Variants in DDAH2 observed in about 807,000 individuals in gnomAD.
DDAH2 encodes the protein putative hydrolase DDAH2.
DDAH2 carries 8 observed loss-of-function variants against 24.8 expected under a neutral mutation model. That is an observed-to-expected ratio of 0.32 (90% CI 0.19 to 0.58). The LOEUF (loss-of-function observed/expected upper bound fraction) is 0.58. Ranked by LOEUF, DDAH2 falls within the 20% of genes least tolerant of loss-of-function variation. DDAH2 has a pLI of 0.87. For synonymous variants in DDAH2, 151 were observed against 166.1 expected (o/e 0.91, Z 0.70); for missense variants, 281 against 379.0 (o/e 0.74, Z 2.15).
chr6:31,729,463 C>T, upstream of DDAH2: 1 of 410,168 alleles, frequency 2.4e-6, no homozygotes, highest in South Asian at 4.9e-5. The surrounding 1 kb of genome is among the most constrained non-coding windows in gnomAD (Gnocchi z 6.7). Flanking sequence ...TCCAAAACAC[C>T]TGTTGCCCCT....
chr6:31,729,934 C>T (rs927375703), upstream of DDAH2: 1 of 152,342 alleles, frequency 6.6e-6, no homozygotes, highest in African/African-American at 2.4e-5. The surrounding 1 kb of genome is among the most constrained non-coding windows in gnomAD (Gnocchi z 6.7). Context: ...AAGTCCACCC[C>T]GCCTAGCTCC....
At position 31,728,640 on chromosome 6, in the gene DDAH2, C is replaced by G. The variant is rs776070291; in HGVS notation, c.397+6G>C. 1 of 1,612,894 alleles carries G rather than the reference C, an allele frequency of 6.2e-7. No individual in the cohort carries two copies. The highest frequency in any genetic ancestry group is 2.2e-5 in the East Asian group (1 of 44,886). On this transcript the variant is annotated splice_donor_region_variant and intron_variant, in intron 2 of 5. Transcript: ENST00000375789. The surrounding 1 kb of genome is among the most constrained non-coding windows in gnomAD (Gnocchi z 9.8). ...TGCCAAGACCTATGCCTCCCCCCAG[C>G]CTCACCGGTGAAGAGAACGTCAGTG...
Position 31,728,929 on chromosome 6 carries a change from G to C in DDAH2, c.233C>G (p.Thr78Arg). 1 of 1,613,118 alleles carries C rather than the reference G, an allele frequency of 6.2e-7. No homozygotes were observed. Among genetic ancestry groups the C allele is most frequent in the Non-Finnish European group, 8.5e-7 (1 of 1,180,026 alleles). The change falls in exon 1 of 6, where the codon ACG (threonine) becomes AGG (arginine). Residue 78 changes from threonine to arginine, a missense_variant. Physicochemically the swap from Thr to Arg is moderately conservative, Grantham distance 71. Coordinates refer to ENST00000375789, the MANE Select transcript of DDAH2 (RefSeq NM_001303007.2). The surrounding 1 kb of genome is among the most constrained non-coding windows in gnomAD (Gnocchi z 9.8). Reference sequence around the variant, plus strand: ...GGCCGTGTCCCCTTGGATCACGGCCGTGTCGCCAAGCAGCGGTCCCAGCGG... The same window carrying C: ...GGCCGTGTCCCCTTGGATCACGGCCCTGTCGCCAAGCAGCGGTCCCAGCGG... ...SLPLGPLLGD[T>R]AVIQGDTALI... is the part of the protein sequence containing the mutation.
In DDAH2 at chr6:31,729,284, G is replaced by A; in HGVS notation, c.-123C>T. 1.1e-6 allele frequency: 1 copy of A among 915,908 alleles called. No individual in the cohort carries two copies. Among genetic ancestry groups the A allele is most frequent in the South Asian group, 1.7e-5 (1 of 60,424 alleles). 56.7% of individuals were successfully genotyped at this position (915,908 alleles called of 1,614,324 possible). On this transcript the variant is annotated 5_prime_UTR_variant, in exon 1 of 6. Coordinates refer to ENST00000375789, the MANE Select transcript of DDAH2 (RefSeq NM_001303007.2). This position sits in a 1 kb window ranked among gnomAD's most constrained non-coding sequence, Gnocchi z 6.7. ...AAAAAGACATGCAGACAAGGGCGTT[G>A]GGGGTGGTTAAGAGCGCCCAGGTCT... is the stretch of plus-strand genomic sequence containing the variant.
chr6:31,730,064 C>A (rs1807756086), upstream of DDAH2: 1 of 152,684 alleles, frequency 6.5e-6, no homozygotes, highest in East Asian at 1.9e-4. The surrounding 1 kb of genome is among the most constrained non-coding windows in gnomAD (Gnocchi z 5.1). Flanking sequence ...CAGCGGCCAC[C>A]CCCACTCCTG....
Position 31,728,434 on chromosome 6 carries a change from C to T in DDAH2, c.471+17G>A. 6.2e-7 allele frequency: 1 copy of T among 1,612,466 alleles called. No homozygotes were observed. The highest frequency in any genetic ancestry group is 8.5e-7 in the Non-Finnish European group (1 of 1,179,918). ...CACCTGCACCCCCTCCCTCCCTAGG[C>T]TGGTCCCGCTCCGCACCCGGAACGT... is the stretch of plus-strand genomic sequence containing the variant. On this transcript the variant is annotated intron_variant, in intron 3 of 5. Transcript: ENST00000375789. This position sits in a 1 kb window ranked among gnomAD's most constrained non-coding sequence, Gnocchi z 9.8.
chr6:31,729,412 C>G, upstream of DDAH2: 1 of 550,942 alleles, frequency 1.8e-6, no homozygotes, highest in Non-Finnish European at 3.2e-6. This position sits in a 1 kb window ranked among gnomAD's most constrained non-coding sequence, Gnocchi z 6.7. Flanking sequence ...GGGTCAGATT[C>G]TTTAAGAGGA....
chr6:31,728,111 C>T lies in DDAH2; in HGVS notation c.591+62G>A. 6.3e-7 allele frequency: 1 copy of T among 1,589,358 alleles called. No homozygotes were observed. The highest frequency in any genetic ancestry group is 2.2e-5 in the East Asian group (1 of 44,772). On this transcript the variant is annotated intron_variant, in intron 4 of 5. Coordinates refer to ENST00000375789, the MANE Select transcript of DDAH2 (RefSeq NM_001303007.2). The surrounding 1 kb of genome is among the most constrained non-coding windows in gnomAD (Gnocchi z 9.8). ...GTTAGGGCTAATTTCCTAAGCCTCCCAGCTCCCGGCCTCCCGGGCCCAGAA... is the reference window on the plus strand; with the variant it reads ...GTTAGGGCTAATTTCCTAAGCCTCCTAGCTCCCGGCCTCCCGGGCCCAGAA...
chr6:31,729,389 C>T (rs1807682819), upstream of DDAH2: 1 of 577,852 alleles, frequency 1.7e-6, no homozygotes, highest in Admixed American at 3.3e-5. This position sits in a 1 kb window ranked among gnomAD's most constrained non-coding sequence, Gnocchi z 6.7. Context: ...CTCACTCTAC[C>T]CAGCACCCTC....
Position 31,727,395 on chromosome 6 carries a change from C to T in DDAH2, c.742-42G>A, listed in dbSNP as rs746230780. On this transcript the variant is annotated intron_variant, in intron 5 of 5. Transcript: ENST00000375789. This position sits in a 1 kb window ranked among gnomAD's most constrained non-coding sequence, Gnocchi z 6.0. ...TGGAGTGGGGAGAGGGGAGTGAGAC[C>T]TCAGGCTGAGCCAGGCCACTCTTCC... 1.3e-6 allele frequency: 2 copies of T among 1,597,726 alleles called. No homozygotes were observed. The highest frequency in any genetic ancestry group is 1.7e-6 in the Non-Finnish European group (2 of 1,168,096).
chr6:31,729,300 G>T, upstream of DDAH2: 1 of 725,244 alleles, frequency 1.4e-6, no homozygotes, highest in Non-Finnish European at 2.2e-6. The surrounding 1 kb of genome is among the most constrained non-coding windows in gnomAD (Gnocchi z 6.7). Context: ...GGTTAAGAGC[G>T]CCCAGGTCTT....
Position 31,728,262 on chromosome 6 carries a change from C to T in DDAH2, c.502G>A (p.Gly168Ser). The stretch of plus-strand genomic sequence containing the variant: ...CAGAGACCGCGCAGGTGGGAGGGAC[C>T]CGAGACTGGCACAGTGGAGACGGCG... ...DFAVSTVPVS[G>S]PSHLRGLCGM... Residue 168 changes from glycine (G) to serine (S), a missense_variant, in exon 4 of 6, where the codon GGT becomes AGT. Physicochemically the swap from Gly to Ser is moderately conservative, Grantham distance 56. Transcript: ENST00000375789. This position sits in a 1 kb window ranked among gnomAD's most constrained non-coding sequence, Gnocchi z 9.8. The T allele has an allele frequency of 1.2e-6, 2 of 1,612,052 alleles. No individual in the cohort carries two copies. The highest frequency in any genetic ancestry group is 1.7e-5 in the Admixed American group (1 of 59,850).
At position 31,728,876 on chromosome 6, in the gene DDAH2, G is replaced by C; in HGVS notation, c.286C>G (p.Arg96Gly). Reference protein sequence around the residue: ...ALITRPWSPARRPEVDGVRKA... With the variant: ...ALITRPWSPAGRPEVDGVRKA... The stretch of plus-strand genomic sequence containing the variant: ...GCCACGGCGCTCACCTCTGGCCTAC[G>C]AGCGGGGCTCCAGGGCCGCGTGATT... Residue 96 changes from arginine to glycine, a missense_variant, in exon 1 of 6, where the codon CGT (arginine) becomes GGT (glycine). Arg to Gly is a moderately radical substitution (Grantham distance 125, BLOSUM62 -2). Transcript: ENST00000375789. This position sits in a 1 kb window ranked among gnomAD's most constrained non-coding sequence, Gnocchi z 9.8. 3 of 1,612,694 alleles carry C rather than the reference G, an allele frequency of 1.9e-6. No individual in the cohort carries two copies. The highest frequency in any genetic ancestry group is 2.5e-6 in the Non-Finnish European group (3 of 1,179,824).
rs563315874 is a variant in DDAH2 at position 31,728,303 on chromosome 6, C to T, written c.472-11G>A. On this transcript the variant is annotated splice_polypyrimidine_tract_variant and intron_variant, in intron 3 of 5. Coordinates refer to ENST00000375789, the MANE Select transcript of DDAH2 (RefSeq NM_001303007.2). This position sits in a 1 kb window ranked among gnomAD's most constrained non-coding sequence, Gnocchi z 9.8. ...GGAGACGGCGAAGTCCTAGGGAGAG[C>T]GAAGGGAGGTATTCAGGGGCGCGGG... 214 of 1,606,122 alleles carry T rather than the reference C, an allele frequency of 1.3e-4. 1 individual carries two copies. The highest frequency in any genetic ancestry group is 1.2e-4 in the Non-Finnish European group (144 of 1,175,572).
At position 31,728,309 on chromosome 6, in the gene DDAH2, G is replaced by A; in HGVS notation, c.472-17C>T. On this transcript the variant is annotated splice_polypyrimidine_tract_variant and intron_variant, in intron 3 of 5. Coordinates refer to ENST00000375789, the MANE Select transcript of DDAH2 (RefSeq NM_001303007.2). This position sits in a 1 kb window ranked among gnomAD's most constrained non-coding sequence, Gnocchi z 9.8. ...GGCGAAGTCCTAGGGAGAGCGAAGG[G>A]AGGTATTCAGGGGCGCGGGAGGGGT... 6.2e-7 allele frequency: 1 copy of A among 1,606,532 alleles called. No homozygotes were observed. The highest frequency in any genetic ancestry group is 8.5e-7 in the Non-Finnish European group (1 of 1,175,646).
Position 31,727,812 on chromosome 6 carries a change from A to C in DDAH2, c.592-120T>G. The C allele has an allele frequency of 8.7e-7, 1 of 1,153,120 alleles. No individual in the cohort carries two copies. Among genetic ancestry groups the C allele is most frequent in the Non-Finnish European group, 1.2e-6 (1 of 815,304 alleles). 71.4% of individuals were successfully genotyped at this position (1,153,120 alleles called of 1,614,324 possible). ...TGTGGAAAATAATGACAGCAAGCACATAGAGCTTACGATATGTCAGACACT... is the reference window on the plus strand; with the variant it reads ...TGTGGAAAATAATGACAGCAAGCACCTAGAGCTTACGATATGTCAGACACT... On this transcript the variant is annotated intron_variant, in intron 4 of 5. Transcript: ENST00000375789. This position sits in a 1 kb window ranked among gnomAD's most constrained non-coding sequence, Gnocchi z 6.0.
chr6:31,727,776 G>A lies in DDAH2; in HGVS notation c.592-84C>T, dbSNP rs1022389133. 2.0e-5 allele frequency: 28 copies of A among 1,435,810 alleles called. No homozygotes were observed. The highest frequency in any genetic ancestry group is 1.3e-4 in the African/African-American group (9 of 70,026). 88.9% of individuals were successfully genotyped at this position (1,435,810 alleles called of 1,614,324 possible). On this transcript the variant is annotated intron_variant, in intron 4 of 5. Transcript: ENST00000375789. The surrounding 1 kb of genome is among the most constrained non-coding windows in gnomAD (Gnocchi z 6.0). ...TCAACCACCACTAAGGGCTGGGGAC[G>A]GACTGACATTTGTGGAAAATAATGA... is the stretch of plus-strand genomic sequence containing the variant.
In DDAH2 at chr6:31,728,555, G is replaced by A. The variant is rs1807576013; in HGVS notation, c.398-31C>T. 1 of 1,612,510 alleles carries A rather than the reference G, an allele frequency of 6.2e-7. No homozygotes were observed. Among genetic ancestry groups the A allele is most frequent in the East Asian group, 2.2e-5 (1 of 44,846 alleles). On this transcript the variant is annotated intron_variant, in intron 2 of 5. Coordinates refer to ENST00000375789, the MANE Select transcript of DDAH2 (RefSeq NM_001303007.2). This position sits in a 1 kb window ranked among gnomAD's most constrained non-coding sequence, Gnocchi z 9.8. ...TCCGGGAGGCCGCGGAGGTTTGAGG[G>A]CGGGAGTGAGTTAGAAACAAGGCTC...
chr6:31,728,563 G>T lies in DDAH2; in HGVS notation c.398-39C>A, dbSNP rs781097041. ...GCCGCGGAGGTTTGAGGGCGGGAGT[G>T]AGTTAGAAACAAGGCTCCAGACGGC... On this transcript the variant is annotated intron_variant, in intron 2 of 5. Coordinates refer to ENST00000375789, the MANE Select transcript of DDAH2 (RefSeq NM_001303007.2). The surrounding 1 kb of genome is among the most constrained non-coding windows in gnomAD (Gnocchi z 9.8). 4 of 1,611,932 alleles carry T rather than the reference G, an allele frequency of 2.5e-6. No individual in the cohort carries two copies. The African/African-American group carries it at 5.3e-5, about 22-fold the overall frequency.
Sources: allele counts gnomAD v4.1 joint callset, GRCh38; gene constraint gnomAD v4.1.1; non-coding constraint Gnocchi (gnomAD v3.1); transcripts MANE v1.5; gene names NCBI Gene and HGNC (gene_info 2026-07-23, HGNC 2026-07-21).